The following RELN variants were observed in gnomAD, a reference collection of about 807,000 sequenced individuals.
RELN encodes the protein reelin.
A neutral mutation model predicts 427.6 loss-of-function variants in RELN; 108 were observed. That is an observed-to-expected ratio of 0.25 (90% confidence interval 0.22 to 0.30). The LOEUF (loss-of-function observed/expected upper bound fraction) is 0.30. Among genes scored for constraint, RELN ranks in the 10% least tolerant of loss-of-function variants. The pLI is 1.00. For missense variants in RELN, 3,715 were observed against 4,302.8 expected (o/e 0.86, Z 3.82); for synonymous variants, 1,524 against 1,513.4 (o/e 1.01, Z -0.16).
chr7:103,647,652 C>T (rs1026843333), intron 16 of RELN, among the ~76,000 whole-genome samples: 1 of 151,718 alleles, frequency 6.6e-6, no homozygotes, highest in Non-Finnish European at 1.5e-5. Flanking sequence ...AGCTTCAATG[C>T]AAATCCTATC....
Position 103,863,360 on chromosome 7 carries a change from C to T in RELN, c.338-29688G>A, listed in dbSNP as rs186863202. 5.8e-4 allele frequency among the ~76,000 whole-genome samples: 89 copies of T among 152,244 alleles called. 1 individual carries two copies. Among genetic ancestry groups the T allele is most frequent in the African/African-American group, 2.0e-3 (85 of 41,538 alleles). On this transcript the variant is annotated intron_variant, in intron 2 of 64. Coordinates refer to ENST00000428762, the MANE Select transcript of RELN (RefSeq NM_005045.4). The stretch of plus-strand genomic sequence containing the variant: ...CTGGAAGCATCTGACCTAATCTCCA[C>T]CTTTTACAGGTAAGGAAATTAAGGC...
intron 4 of RELN, among the ~76,000 whole-genome samples, chr7:103,761,601 C>A (rs1399693481): frequency 6.6e-6 from 1 of 151,752 alleles, no homozygotes; most frequent in Admixed American, 6.6e-5. Flanking sequence ...TACAGGCATA[C>A]AGCACCAAGA....
intron 2 of RELN, among the ~76,000 whole-genome samples, chr7:103,889,000 C>A (rs940006139): frequency 2.6e-5 from 4 of 152,186 alleles, no homozygotes; most frequent in Non-Finnish European, 5.9e-5. Flanking sequence ...ATGACCTCAA[C>A]ATGCAGAGGA....
At chr7:103,566,795 C>A in intron 31 of RELN, 36 bp from the exon 32 acceptor site, 3 of 1,598,104 alleles carry the variant, frequency 1.9e-6, no homozygotes, top group Non-Finnish European at 2.6e-6. Context: ...TATTTGGACA[C>A]TTTCCTAGAG....
intron 27 of RELN, among the ~76,000 whole-genome samples, chr7:103,591,656 G>C (rs1417508612): frequency 6.6e-6 from 1 of 152,154 alleles, no homozygotes; most frequent in African/African-American, 2.4e-5. Context: ...TGTGTGGTGA[G>C]AGCAGCCACA....
At chr7:103,606,668 G>C (rs936805484) in intron 22 of RELN, among the ~76,000 whole-genome samples, 9 of 152,054 alleles carry the variant, frequency 5.9e-5, no homozygotes, top group African/African-American at 2.2e-4. Context: ...ATGGGCATGG[G>C]GAAGGGTTTC....
At chr7:103,866,946 C>T (rs1794215172) in intron 2 of RELN, among the ~76,000 whole-genome samples, 1 of 152,050 alleles carries the variant, frequency 6.6e-6, no homozygotes, top group African/African-American at 2.4e-5. Flanking sequence ...CATTAGCTAT[C>T]CTATTTACTG....
chr7:103,706,224 T>TA (rs34822414), intron 8 of RELN, among the ~76,000 whole-genome samples: 9,824 of 143,240 alleles, frequency 0.069, 748 homozygotes, highest in African/African-American at 0.19. Flanking sequence ...TTTCACTTGT[T>TA]AAAAAAAAAA....
intron 1 of RELN, among the ~76,000 whole-genome samples, chr7:103,964,392 G>A (rs1418114910): frequency 6.6e-6 from 1 of 152,158 alleles, no homozygotes; most frequent in Non-Finnish European, 1.5e-5. Flanking sequence ...ATCAAGCTGT[G>A]TCTCTCTTCT....
chr7:103,553,180 G>T (rs927441643), intron 40 of RELN, among the ~76,000 whole-genome samples: 2 of 152,114 alleles, frequency 1.3e-5, no homozygotes, highest in African/African-American at 4.8e-5. Context: ...TACAAGAATA[G>T]TATGAGCCTT....
At chr7:103,475,067 C>G (rs1827986804) in intron 64 of RELN, among the ~76,000 whole-genome samples, 1 of 152,114 alleles carries the variant, frequency 6.6e-6, no homozygotes, top group Non-Finnish European at 1.5e-5. Context: ...TTATTCTGCC[C>G]TTTATTTTTC....
At chr7:103,831,805 A>G in intron 3 of RELN, among the ~76,000 whole-genome samples, 1 of 152,184 alleles carries the variant, frequency 6.6e-6, no homozygotes, top group East Asian at 1.9e-4. Flanking sequence ...TTTGGTCTTC[A>G]GAAAGGAGTT....
intron 3 of RELN, among the ~76,000 whole-genome samples, chr7:103,784,999 G>A (rs1015344747): frequency 3.3e-5 from 5 of 152,084 alleles, no homozygotes; most frequent in Non-Finnish European, 5.9e-5. Flanking sequence ...TGAAAAAGAT[G>A]ATTAGATGAT....
chr7:103,841,616 C>T (rs997673936), intron 2 of RELN, among the ~76,000 whole-genome samples: 21 of 152,120 alleles, frequency 1.4e-4, no homozygotes, highest in Non-Finnish European at 2.5e-4. Context: ...GTGTGAACCC[C>T]GTTTTCCCCC....
At chr7:103,916,600 G>T (rs1795486516) in intron 2 of RELN, among the ~76,000 whole-genome samples, 1 of 152,112 alleles carries the variant, frequency 6.6e-6, no homozygotes, top group Non-Finnish European at 1.5e-5. Flanking sequence ...TATTAAATAG[G>T]ATTCTTCTAA....
chr7:103,814,431 C>A (rs756208609), intron 3 of RELN, among the ~76,000 whole-genome samples: 1 of 152,074 alleles, frequency 6.6e-6, no homozygotes, highest in Non-Finnish European at 1.5e-5. Flanking sequence ...TTAACAAATG[C>A]CTTTATTGGA....
At chr7:103,654,735 A>T (rs1324015579) in intron 12 of RELN, among the ~76,000 whole-genome samples, 2 of 151,978 alleles carry the variant, frequency 1.3e-5, no homozygotes, top group African/African-American at 2.4e-5. Context: ...TATATTTGGT[A>T]CCTCATTTGA....
intron 1 of RELN, among the ~76,000 whole-genome samples, chr7:103,984,624 ATAAATTGTAGAGAG>A (rs889606060): frequency 5.7e-4 from 87 of 152,318 alleles, no homozygotes; most frequent in African/African-American, 2.0e-3. Flanking sequence ...TATGTATGAA[ATAAATTGTAGAGAG>A]TAAGATAAAT....
At chr7:103,920,593 T>TTTTTTTTTTTTTTTTTTTGA (rs57282777) in intron 1 of RELN, among the ~76,000 whole-genome samples, 8 of 129,396 alleles carry the variant, frequency 6.2e-5, no homozygotes, top group African/African-American at 2.4e-4. Context: ...TTTTTTTTTT[T>TTTTTTTTTTTTTTTTTTTGA]GAGAGAGTCT....
Sources: gnomAD v4.1 joint callset for allele counts (sites outside exome capture counted in the v4.1 genomes callset) on GRCh38, gnomAD v4.1.1 for gene constraint, MANE v1.5 for transcripts, NCBI Gene and HGNC (gene_info 2026-07-23, HGNC 2026-07-21) for gene names.